Variants in MCCC2 observed in about 807,000 individuals in gnomAD.
MCCC2 encodes the protein methylcrotonyl-CoA carboxylase subunit 2.
In MCCC2, 52 loss-of-function variants were observed where a neutral mutation model predicts 77.2. That is an observed-to-expected ratio of 0.67 (90% CI 0.54 to 0.85). The LOEUF (loss-of-function observed/expected upper bound fraction) is 0.85. Among genes scored for constraint, MCCC2 ranks in the 40% least tolerant of loss-of-function variants. MCCC2 has a pLI of 0.00. For missense variants in MCCC2, 682 were observed against 703.2 expected, an observed-to-expected ratio of 0.97 and a Z score of 0.34; for synonymous variants, 253 against 248.4, an observed-to-expected ratio of 1.02 and a Z score of -0.18.
chr5:71,638,529 C>CT lies in MCCC2; in HGVS notation c.1000-2465dup, dbSNP rs1294686563. Among the ~76,000 whole-genome samples the CT allele has an allele frequency of 1.3e-4, 19 of 151,700 alleles. No homozygotes were observed. The East Asian group carries it at 1.5e-3, about 12-fold the overall frequency. ...AGCTATAGCCTGAGGAAATGTATTT[C>CT]TTTTTTTTTGAGACGGAGTCTCGCT... On this transcript the variant is annotated intron_variant, in intron 10 of 16. Transcript: ENST00000340941.
In MCCC2 at chr5:71,602,567, A is replaced by G; in HGVS notation, c.445A>G (p.Thr149Ala). ...TVKGGAYYPVTVKKQLRAQEI... is the reference protein window; with the variant it reads ...TVKGGAYYPVAVKKQLRAQEI... ...CAAAGGAGGTGCCTACTACCCAGTG[A>G]CTGTGAAAAAACAATTACGGGCCCA... The change falls in exon 5 of 17, where the codon ACT (threonine) becomes GCT (alanine). Residue 149 changes from threonine to alanine, a missense_variant. Transcript: ENST00000340941. 1 of 1,614,180 alleles carries G rather than the reference A, an allele frequency of 6.2e-7. No homozygotes were observed. Among genetic ancestry groups the G allele is most frequent in the South Asian group, 1.1e-5 (1 of 91,080 alleles).
At chr5:71,623,317 G>A (rs1290715217) in intron 6 of MCCC2, among the ~76,000 whole-genome samples, 1 of 152,168 alleles carries the variant, frequency 6.6e-6, no homozygotes, top group Non-Finnish European at 1.5e-5. Flanking sequence ...GGTCTCTCAC[G>A]TGGCTGCAGT....
chr5:71,650,759 C>T (rs1022240526), intron 15 of MCCC2, among the ~76,000 whole-genome samples: 2 of 152,234 alleles, frequency 1.3e-5, no homozygotes, highest in Admixed American at 1.3e-4. Context: ...CGCCATTCTT[C>T]TGCCTCAGCC....
chr5:71,603,755 G>C (rs1206484148), intron 5 of MCCC2, among the ~76,000 whole-genome samples: 4 of 152,146 alleles, frequency 2.6e-5, no homozygotes, highest in Non-Finnish European at 5.9e-5. Context: ...AGACTTAATG[G>C]TTGCAGATTC....
intron 8 of MCCC2, among the ~76,000 whole-genome samples, chr5:71,633,133 T>TATATATATA (rs1561841506): frequency 3.5e-4 from 39 of 112,994 alleles, no homozygotes; most frequent in African/African-American, 1.6e-3. Context: ...ATATATATAT[T>TATATATATA]TTTATTTTTT....
At chr5:71,639,410 T>A (rs895600056) in intron 10 of MCCC2, among the ~76,000 whole-genome samples, 6 of 152,078 alleles carry the variant, frequency 3.9e-5, no homozygotes, top group African/African-American at 1.4e-4. Flanking sequence ...TTTTTTTTTT[T>A]AAACCTCATG....
chr5:71,645,037 C>A (rs1386268165), intron 12 of MCCC2, among the ~76,000 whole-genome samples: 1 of 151,868 alleles, frequency 6.6e-6, no homozygotes, highest in Non-Finnish European at 1.5e-5. Flanking sequence ...AGTATATAGA[C>A]AGTATTTCTC....
intron 16 of MCCC2, among the ~76,000 whole-genome samples, chr5:71,654,637 G>A (rs1292279184): frequency 6.6e-6 from 1 of 151,946 alleles, no homozygotes; most frequent in Non-Finnish European, 1.5e-5. Flanking sequence ...TGTGTATTTT[G>A]TGTGAGCTGT....
At chr5:71,638,353 C>A (rs1747001457) in intron 10 of MCCC2, among the ~76,000 whole-genome samples, 1 of 152,156 alleles carries the variant, frequency 6.6e-6, no homozygotes. Flanking sequence ...CTTCCAGTAT[C>A]TTTAATTTAA....
chr5:71,620,642 CTATT>C (rs1320146283), intron 6 of MCCC2, among the ~76,000 whole-genome samples: 2 of 152,260 alleles, frequency 1.3e-5, no homozygotes, highest in South Asian at 2.1e-4. Context: ...GACCCAGTCT[CTATT>C]TGTTTAGGCA....
intron 1 of MCCC2, among the ~76,000 whole-genome samples, chr5:71,587,938 A>G (rs527434457): frequency 6.6e-6 from 1 of 152,238 alleles, no homozygotes; most frequent in African/African-American, 2.4e-5. Flanking sequence ...GAGCAGCCCA[A>G]CGAGGGGCGC....
chr5:71,602,455 T>C (rs780349747), intron 4 of MCCC2, 51 bp from the exon 5 acceptor site: 1 of 1,613,014 alleles, frequency 6.2e-7, no homozygotes, highest in Non-Finnish European at 8.5e-7. Flanking sequence ...GTGTAATTAG[T>C]TTTGAAGAAA....
intron 1 of MCCC2, among the ~76,000 whole-genome samples, chr5:71,591,420 TAG>T (rs1491494661): frequency 6.7e-6 from 1 of 149,810 alleles, no homozygotes; most frequent in Non-Finnish European, 1.5e-5. Flanking sequence ...TATGCCAGCA[TAG>T]AGTTTTGTTC....
chr5:71,608,898 C>T (rs979551929), intron 6 of MCCC2, among the ~76,000 whole-genome samples: 2 of 152,170 alleles, frequency 1.3e-5, no homozygotes, highest in Non-Finnish European at 2.9e-5. Flanking sequence ...ATATTGGCCC[C>T]TAGTCTCTTC....
rs199682297 is a variant in MCCC2 at position 71,656,890 on chromosome 5, T to G, written c.*30T>G. 1.3e-6 allele frequency: 2 copies of G among 1,549,492 alleles called. No homozygotes were observed. Among genetic ancestry groups the G allele is most frequent in the Admixed American group, 3.3e-5 (2 of 59,926 alleles). On this transcript the variant is annotated 3_prime_UTR_variant, in exon 17 of 17. Transcript: ENST00000340941. ...AATAAAGGATGTTTTCTGTTGGACA[T>G]GTACTGAAAATTAACACATGTAGTA...
At chr5:71,644,645 A>T (rs1747229983) in intron 12 of MCCC2, among the ~76,000 whole-genome samples, 1 of 152,070 alleles carries the variant, frequency 6.6e-6, no homozygotes. Context: ...AATTCACCAA[A>T]CTACTTCAGG....
intron 10 of MCCC2, among the ~76,000 whole-genome samples, chr5:71,637,436 C>A (rs953580440): frequency 6.6e-6 from 1 of 152,182 alleles, no homozygotes; most frequent in Non-Finnish European, 1.5e-5. Context: ...TGCAGGAGCA[C>A]CTTGCCTTTA....
intron 6 of MCCC2, among the ~76,000 whole-genome samples, chr5:71,622,498 C>T (rs1038061937): frequency 3.3e-4 from 50 of 152,158 alleles, no homozygotes; most frequent in African/African-American, 1.2e-3. Context: ...AATTCAATGG[C>T]TTTTAGGATA....
chr5:71,632,190 A>G lies in MCCC2; in HGVS notation c.803+5A>G, dbSNP rs749642740. 2 of 1,613,776 alleles carry G rather than the reference A, an allele frequency of 1.2e-6. No individual in the cohort carries two copies. Among genetic ancestry groups the G allele is most frequent in the African/African-American group, 1.3e-5 (1 of 74,902 alleles). ...AGGTGCTGATCTTCATTGCAGGTGA[A>G]ACAGAAATGGTTGTTTCTTTCCGGG... On this transcript the variant is annotated splice_donor_5th_base_variant and intron_variant, in intron 8 of 16. Coordinates refer to ENST00000340941, the MANE Select transcript of MCCC2 (RefSeq NM_022132.5).
Sources: allele counts gnomAD v4.1 joint callset (sites outside exome capture counted in the v4.1 genomes callset), GRCh38; gene constraint gnomAD v4.1.1; transcripts MANE v1.5; gene names NCBI Gene and HGNC (gene_info 2026-07-23, HGNC 2026-07-21).